KCNQ5: variants seen among roughly 807,000 people sequenced by gnomAD.
KCNQ5 encodes the protein potassium voltage-gated channel subfamily KQT member 5.
In KCNQ5, 30 loss-of-function variants were observed where a neutral mutation model predicts 98.2. The observed-to-expected ratio is 0.31, with a 90% CI of 0.23 to 0.41. The LOEUF (loss-of-function observed/expected upper bound fraction) is 0.41, where lower values mean the gene tolerates loss of function less well. KCNQ5 is among the 10% of genes least tolerant of loss of function. The pLI is 1.00. For synonymous variants in KCNQ5, 458 were observed against 449.4 expected, an observed-to-expected ratio of 1.02 and a Z score of -0.24; for missense variants, 835 against 1,182.5, an observed-to-expected ratio of 0.71 and a Z score of 4.31.
intron 3 of KCNQ5, among the ~76,000 whole-genome samples, chr6:73,058,381 C>G (rs1352261456): frequency 6.6e-6 from 1 of 152,102 alleles, no homozygotes; most frequent in Non-Finnish European, 1.5e-5. Flanking sequence ...CCACTGCACT[C>G]CAGCCTGGGC....
intron 1 of KCNQ5, among the ~76,000 whole-genome samples, chr6:72,699,059 AG>A (rs1768663117): frequency 1.3e-5 from 2 of 152,180 alleles, no homozygotes; most frequent in Admixed American, 1.3e-4. Context: ...TCTTGTTGGA[AG>A]TGCCAGAAGG....
chr6:72,823,743 C>T (rs1159182320), intron 1 of KCNQ5, among the ~76,000 whole-genome samples: 1 of 152,186 alleles, frequency 6.6e-6, no homozygotes, highest in Admixed American at 6.5e-5. Context: ...AAGCTAAATG[C>T]TACCTCAGGA....
At chr6:72,924,706 C>A (rs560054791) in intron 1 of KCNQ5, among the ~76,000 whole-genome samples, 1 of 152,282 alleles carries the variant, frequency 6.6e-6, no homozygotes, top group African/African-American at 2.4e-5. Context: ...TTCAACACTT[C>A]GACCTCCCTT....
chr6:73,072,612 G>T (rs549566968), intron 3 of KCNQ5, among the ~76,000 whole-genome samples: 1 of 152,092 alleles, frequency 6.6e-6, no homozygotes, highest in Non-Finnish European at 1.5e-5. Flanking sequence ...AGTTCCAGTG[G>T]CATCTAAAAA....
chr6:72,704,491 G>T (rs1768976983), intron 1 of KCNQ5, among the ~76,000 whole-genome samples: 1 of 151,780 alleles, frequency 6.6e-6, no homozygotes, highest in Non-Finnish European at 1.5e-5. Context: ...TTAGGCAACT[G>T]CAGTAATGGC....
chr6:72,851,938 C>T (rs902713666), intron 1 of KCNQ5, among the ~76,000 whole-genome samples: 12 of 151,922 alleles, frequency 7.9e-5, no homozygotes, highest in Middle Eastern at 3.4e-3. Flanking sequence ...AATCTAGATA[C>T]GTATAATGTA....
chr6:72,897,381 A>T (rs1779295590), intron 1 of KCNQ5, among the ~76,000 whole-genome samples: 1 of 152,148 alleles, frequency 6.6e-6, no homozygotes, highest in African/African-American at 2.4e-5. Context: ...CTCTACTAAA[A>T]GTACAAAAAA....
At chr6:72,632,070 G>T (rs1281222943) in intron 1 of KCNQ5, among the ~76,000 whole-genome samples, 1 of 151,944 alleles carries the variant, frequency 6.6e-6, no homozygotes, top group African/African-American at 2.4e-5. Flanking sequence ...AGCCACACAT[G>T]CTTAGCCACT....
At chr6:73,166,664 G>GT (rs1183389716) in intron 10 of KCNQ5, among the ~76,000 whole-genome samples, 1 of 152,170 alleles carries the variant, frequency 6.6e-6, no homozygotes, top group African/African-American at 2.4e-5. Context: ...GCACAGAAGT[G>GT]TATTATCTCA....
intron 2 of KCNQ5, among the ~76,000 whole-genome samples, chr6:73,008,939 T>TATAAAA (rs1186373893): frequency 1.3e-5 from 2 of 152,134 alleles, no homozygotes; most frequent in African/African-American, 4.8e-5. Context: ...AAGTTAAATA[T>TATAAAA]CAATAACAGA....
At chr6:73,125,062 CT>C (rs11375968) in intron 9 of KCNQ5, among the ~76,000 whole-genome samples, 1,831 of 135,926 alleles carry the variant, frequency 0.013, 76 homozygotes, top group African/African-American at 0.048. Context: ...TACATATAAT[CT>C]TTTTTTTTGG....
chr6:72,758,046 G>T (rs1772059275), intron 1 of KCNQ5, among the ~76,000 whole-genome samples: 1 of 151,938 alleles, frequency 6.6e-6, no homozygotes, highest in Non-Finnish European at 1.5e-5. Context: ...TCTAAGTGCT[G>T]CAGGAGGCAT....
chr6:72,854,783 T>TGTGTGC (rs1554171400), intron 1 of KCNQ5, among the ~76,000 whole-genome samples: 6 of 141,848 alleles, frequency 4.2e-5, no homozygotes, highest in African/African-American at 1.5e-4. Flanking sequence ...TGTGTGTGTG[T>TGTGTGC]GCGTGCGTAG....
intron 1 of KCNQ5, among the ~76,000 whole-genome samples, chr6:72,644,487 G>T (rs1053008252): frequency 2.6e-5 from 4 of 152,118 alleles, no homozygotes; most frequent in African/African-American, 9.7e-5. Context: ...GCACATGTCT[G>T]CAAATGACCT....
intron 10 of KCNQ5, among the ~76,000 whole-genome samples, chr6:73,142,224 C>A (rs545838415): frequency 6.6e-6 from 1 of 151,992 alleles, no homozygotes; most frequent in East Asian, 1.9e-4. Flanking sequence ...CAAAGACCAA[C>A]CCTGTACAGT....
At chr6:72,977,496 G>T (rs182238070) in intron 1 of KCNQ5, among the ~76,000 whole-genome samples, 12 of 152,282 alleles carry the variant, frequency 7.9e-5, no homozygotes, top group East Asian at 1.9e-4. Flanking sequence ...GCAAGGGAAA[G>T]GAACCATAAG....
intron 1 of KCNQ5, among the ~76,000 whole-genome samples, chr6:72,889,634 G>T (rs1384664128): frequency 1.3e-5 from 2 of 152,068 alleles, no homozygotes; most frequent in Admixed American, 1.3e-4. Flanking sequence ...AGTCTATCAG[G>T]TTTCAGTGGC....
At chr6:72,826,779 C>T (rs1409108318) in intron 1 of KCNQ5, among the ~76,000 whole-genome samples, 1 of 152,042 alleles carries the variant, frequency 6.6e-6, no homozygotes, top group Non-Finnish European at 1.5e-5. Context: ...TTATTGTTAA[C>T]TGTAGTCCTT....
chr6:72,686,784 G>A (rs1054461441), intron 1 of KCNQ5, among the ~76,000 whole-genome samples: 15 of 142,226 alleles, frequency 1.1e-4, no homozygotes, highest in African/African-American at 3.9e-4. Flanking sequence ...TACAGGTTAT[G>A]AGATAAGAAT....
Sources: gnomAD v4.1 joint callset for allele counts (sites outside exome capture counted in the v4.1 genomes callset) on GRCh38, gnomAD v4.1.1 for gene constraint, MANE v1.5 for transcripts, NCBI Gene and HGNC (gene_info 2026-07-23, HGNC 2026-07-21) for gene names.